The following SUGCT variants were observed in gnomAD, a reference collection of about 807,000 sequenced individuals.
SUGCT encodes succinyl-CoA:glutarate-CoA transferase.
Under a neutral mutation model 55.0 loss-of-function variants are expected in SUGCT, and 41 were observed. The ratio of observed to expected loss-of-function variants is 0.74; its 90% confidence interval spans 0.58 to 0.97. The LOEUF (loss-of-function observed/expected upper bound fraction) is 0.97. SUGCT is among the 50% of genes least tolerant of loss of function. SUGCT has a pLI of 0.00. For missense variants in SUGCT, 568 were observed against 547.8 expected (o/e 1.04, Z -0.37); for synonymous variants, 187 against 200.4 (o/e 0.93, Z 0.56).
At chr7:40,770,341 G>A (rs1030810693) in intron 13 of SUGCT, among the ~76,000 whole-genome samples, 2 of 152,096 alleles carry the variant, frequency 1.3e-5, no homozygotes, top group Non-Finnish European at 2.9e-5. Context: ...GTTCAGCGCT[G>A]GTATGACATC....
intron 12 of SUGCT, among the ~76,000 whole-genome samples, chr7:40,558,332 G>A (rs928596716): frequency 2.0e-5 from 3 of 152,268 alleles, no homozygotes; most frequent in East Asian, 3.9e-4. Context: ...TCATAGCAAC[G>A]TTAGTCACAA....
chr7:40,541,238 A>T (rs1216643615), intron 12 of SUGCT, among the ~76,000 whole-genome samples: 1 of 152,230 alleles, frequency 6.6e-6, no homozygotes. Context: ...GACAATAAAT[A>T]AAGTGGCAAG....
intron 12 of SUGCT, chr7:40,499,618 C>T (rs1162142923): frequency 6.6e-6 from 1 of 152,374 alleles, no homozygotes. Context: ...GGGGATTGGT[C>T]TGCATTTACT....
the SUGCT span, among the ~76,000 whole-genome samples, chr7:40,928,954 T>C: frequency 6.6e-6 from 1 of 152,162 alleles, no homozygotes; most frequent in African/African-American, 2.4e-5. Context: ...AAAATTGTAC[T>C]TTAAGTTCTA....
chr7:40,223,374 T>G (rs754109421), intron 6 of SUGCT, among the ~76,000 whole-genome samples: 53 of 152,208 alleles, frequency 3.5e-4, no homozygotes, highest in Non-Finnish European at 5.0e-4. Flanking sequence ...TTTTATTTCT[T>G]GCCCCAGTTG....
intron 7 of SUGCT, among the ~76,000 whole-genome samples, chr7:40,256,066 G>A (rs1489881640): frequency 6.6e-6 from 1 of 152,150 alleles, no homozygotes. Context: ...GTCATCTCAT[G>A]AAATCTAAAT....
intron 12 of SUGCT, among the ~76,000 whole-genome samples, chr7:40,546,330 C>CT (rs1252592706): frequency 6.6e-6 from 1 of 152,100 alleles, no homozygotes; most frequent in Non-Finnish European, 1.5e-5. Flanking sequence ...CATAAATTGG[C>CT]TTTTTTCCTT....
intron 12 of SUGCT, among the ~76,000 whole-genome samples, chr7:40,646,248 G>A (rs552304570): frequency 6.6e-5 from 10 of 152,174 alleles, no homozygotes; most frequent in Admixed American, 3.3e-4. Flanking sequence ...TCAAGGCCCC[G>A]TTATGCTTCA....
At chr7:40,355,133 A>C (rs545263469) in intron 9 of SUGCT, among the ~76,000 whole-genome samples, 48 of 151,996 alleles carry the variant, frequency 3.2e-4, no homozygotes, top group Admixed American at 2.0e-3. Context: ...GATTCTGCCA[A>C]CCTCCTCTTC....
chr7:40,744,441 A>C (rs1246650371), intron 12 of SUGCT, among the ~76,000 whole-genome samples: 1 of 152,164 alleles, frequency 6.6e-6, no homozygotes, highest in Admixed American at 6.5e-5. Context: ...TCCCCACTAA[A>C]GTGACTAATT....
chr7:40,469,662 G>C (rs1302741698), intron 11 of SUGCT, among the ~76,000 whole-genome samples: 1 of 151,814 alleles, frequency 6.6e-6, no homozygotes, highest in Non-Finnish European at 1.5e-5. Flanking sequence ...TTGTGACTGA[G>C]AATCAAATGA....
chr7:40,236,044 T>G (rs1441501963), intron 6 of SUGCT, among the ~76,000 whole-genome samples: 2 of 152,084 alleles, frequency 1.3e-5, no homozygotes, highest in African/African-American at 4.8e-5. Context: ...TGATACAACC[T>G]TTATTTATTT....
chr7:40,559,295 A>G (rs1214074141), intron 12 of SUGCT, among the ~76,000 whole-genome samples: 1 of 152,240 alleles, frequency 6.6e-6, no homozygotes, highest in Non-Finnish European at 1.5e-5. Context: ...AAAAGCCCAC[A>G]AACTCCAATT....
chr7:40,442,418 A>T (rs1788563994), intron 9 of SUGCT, among the ~76,000 whole-genome samples: 1 of 152,182 alleles, frequency 6.6e-6, no homozygotes. Context: ...AACACATACA[A>T]AGAAACTAGA....
intron 12 of SUGCT, among the ~76,000 whole-genome samples, chr7:40,739,244 C>T (rs529913151): frequency 6.6e-6 from 1 of 152,252 alleles, no homozygotes; most frequent in Non-Finnish European, 1.5e-5. Context: ...ACCTCCCTTC[C>T]CTCCACTCCC....
chr7:40,425,305 C>T (rs1392749589), intron 9 of SUGCT, among the ~76,000 whole-genome samples: 1 of 152,018 alleles, frequency 6.6e-6, no homozygotes, highest in Non-Finnish European at 1.5e-5. Context: ...TATTCCAGAC[C>T]ATTTTCTTTA....
intron 1 of SUGCT, among the ~76,000 whole-genome samples, chr7:40,167,101 G>A (rs769966049): frequency 1.2e-4 from 18 of 152,146 alleles, no homozygotes; most frequent in Non-Finnish European, 1.9e-4. Context: ...AATGTTCACA[G>A]CATCTTGATT....
At chr7:40,193,481 C>A (rs1024496034) in intron 5 of SUGCT, among the ~76,000 whole-genome samples, 1 of 151,524 alleles carries the variant, frequency 6.6e-6, no homozygotes, top group African/African-American at 2.4e-5. Context: ...GACAGGGTTT[C>A]GCCATATTGG....
intron 12 of SUGCT, among the ~76,000 whole-genome samples, chr7:40,498,710 A>T (rs1322696918): frequency 2.0e-5 from 3 of 152,232 alleles, no homozygotes; most frequent in Non-Finnish European, 2.9e-5. Flanking sequence ...AGGGAACAGC[A>T]CAAGGATTGC....
Sources: allele counts gnomAD v4.1 joint callset (sites outside exome capture counted in the v4.1 genomes callset), GRCh38; gene constraint gnomAD v4.1.1; transcripts MANE v1.5; gene names NCBI Gene and HGNC (gene_info 2026-07-23, HGNC 2026-07-21).